Variants in SUGCT observed in about 807,000 individuals in gnomAD.
The protein encoded by SUGCT is succinyl-CoA:glutarate-CoA transferase, also known as succinyl-CoA:glutarate CoA-transferase.
A neutral mutation model predicts 55.0 loss-of-function variants in SUGCT; 41 were observed. The observed-to-expected ratio is 0.74, with a 90% CI of 0.58 to 0.97. The LOEUF is 0.97. SUGCT is among the 50% of genes least tolerant of loss of function. SUGCT has a pLI of 0.00. For synonymous variants in SUGCT, 187 were observed against 200.4 expected, an observed-to-expected ratio of 0.93 and a Z score of 0.56; for missense variants, 568 against 547.8, an observed-to-expected ratio of 1.04 and a Z score of -0.37.
chr7:40,497,353 T>A (rs1792040708), intron 12 of SUGCT, among the ~76,000 whole-genome samples: 1 of 152,174 alleles, frequency 6.6e-6, no homozygotes, highest in African/African-American at 2.4e-5. Context: ...AAAAGAAAAT[T>A]GAAATATTTT....
At chr7:40,136,769 C>A (rs1443409429) in intron 1 of SUGCT, among the ~76,000 whole-genome samples, 2 of 151,970 alleles carry the variant, frequency 1.3e-5, no homozygotes, top group Admixed American at 6.6e-5. Flanking sequence ...CTAGGTGGGA[C>A]GATTGCTTGA....
chr7:40,620,940 A>G (rs570882297), intron 12 of SUGCT, among the ~76,000 whole-genome samples: 29 of 152,276 alleles, frequency 1.9e-4, no homozygotes, highest in African/African-American at 6.5e-4. Context: ...GGTTTAATTC[A>G]GATCTATTTT....
Position 40,218,660 on chromosome 7 carries a change from T to C in SUGCT, c.485-18975T>C, listed in dbSNP as rs1584372576. ...GGTGGGGACCTGAATAACTTTTCTG[T>C]CTAGCTAGAGGATTGTAAACACACC... On this transcript the variant is annotated intron_variant, in intron 6 of 13. Transcript: ENST00000335693. Among the ~76,000 whole-genome samples, 5 of 152,268 alleles carry C rather than the reference T, an allele frequency of 3.3e-5. No individual in the cohort carries two copies. The South Asian group carries it at 1.0e-3, about 32-fold the overall frequency.
intron 12 of SUGCT, among the ~76,000 whole-genome samples, chr7:40,558,723 G>T (rs1012332755): frequency 4.6e-5 from 7 of 152,180 alleles, no homozygotes; most frequent in African/African-American, 1.7e-4. Context: ...AATGTACTTA[G>T]TGCAATTGAA....
At chr7:40,598,055 T>G (rs1459333842) in intron 12 of SUGCT, among the ~76,000 whole-genome samples, 3 of 152,196 alleles carry the variant, frequency 2.0e-5, no homozygotes, top group African/African-American at 7.2e-5. Flanking sequence ...TGTCACATAG[T>G]GTACCCATGG....
chr7:40,722,066 A>C (rs79667895), intron 12 of SUGCT, among the ~76,000 whole-genome samples: 3,055 of 152,088 alleles, frequency 0.02, 99 homozygotes, highest in African/African-American at 0.07. Flanking sequence ...CCATTCTCCC[A>C]GTAATTTTTT....
intron 12 of SUGCT, among the ~76,000 whole-genome samples, chr7:40,670,293 G>C (rs1195126344): frequency 6.6e-6 from 1 of 151,156 alleles, no homozygotes; most frequent in Non-Finnish European, 1.5e-5. Flanking sequence ...GAGAAGGAAG[G>C]TATTAATAAA....
At chr7:40,879,674 C>A in the SUGCT span, among the ~76,000 whole-genome samples, 2 of 152,056 alleles carry the variant, frequency 1.3e-5, no homozygotes, top group Admixed American at 1.3e-4. Context: ...ATTACATTTA[C>A]CTGTTTTATT....
At chr7:40,425,411 C>G (rs1230759816) in intron 9 of SUGCT, among the ~76,000 whole-genome samples, 3 of 152,008 alleles carry the variant, frequency 2.0e-5, no homozygotes, top group Non-Finnish European at 4.4e-5. Context: ...GTCTAACACC[C>G]TAAATTTATA....
chr7:40,296,016 A>G lies in SUGCT; in HGVS notation c.721-20744A>G, dbSNP rs1182317324. ...GAACTCTGCAAAACACACTAATTGA[A>G]AAGTCATGTTAGGCAGCACAAAAGT... On this transcript the variant is annotated intron_variant, in intron 8 of 13. Transcript: ENST00000335693. 2.0e-5 allele frequency among the ~76,000 whole-genome samples: 3 copies of G among 152,206 alleles called. No individual in the cohort carries two copies. The East Asian group carries it at 5.8e-4, about 29-fold the overall frequency.
At chr7:40,196,527 G>T (rs1327722291) in intron 6 of SUGCT, among the ~76,000 whole-genome samples, 2 of 152,172 alleles carry the variant, frequency 1.3e-5, no homozygotes, top group Admixed American at 6.5e-5. Context: ...TGGCAAGGGG[G>T]TGGGGTGAGG....
chr7:40,324,261 A>ATATATATATTTATT lies in SUGCT; in HGVS notation c.816+7409_816+7410insATATATTTATTTAT, dbSNP rs377215730. Among the ~76,000 whole-genome samples the ATATATATATTTATT allele has an allele frequency of 2.5e-3, 251 of 99,936 alleles. 10 individuals carry two copies. The highest frequency in any genetic ancestry group is 0.021 in the East Asian group (62 of 3,008). 65.6% of individuals were successfully genotyped at this position (99,936 alleles called of 152,430 possible). A position where few individuals can be genotyped will look rare whatever the true frequency, so the allele number is the denominator to read the frequency against. Reference sequence around the variant, plus strand: ...AATAAATAAATAAATAAATATATATATATTTATTTTTTGAGACAGAGTCTT... The same window carrying ATATATATATTTATT: ...AATAAATAAATAAATAAATATATATATATATATATTTATTTATTTATTTTTTGAGACAGAGTCTT... On this transcript the variant is annotated intron_variant, in intron 9 of 13. Transcript: ENST00000335693.
chr7:40,147,316 AC>A (rs1386774390), intron 1 of SUGCT, among the ~76,000 whole-genome samples: 1 of 151,716 alleles, frequency 6.6e-6, no homozygotes, highest in Non-Finnish European at 1.5e-5. Flanking sequence ...TTGAGGTTCA[AC>A]CCCCCCATCA....
chr7:40,212,430 CA>C (rs892387892), intron 6 of SUGCT, among the ~76,000 whole-genome samples: 11 of 141,128 alleles, frequency 7.8e-5, no homozygotes, highest in African/African-American at 2.8e-4. Context: ...TCTCAAAAAC[CA>C]AAAAAAAGAT....
At chr7:40,620,387 T>G (rs556109729) in intron 12 of SUGCT, among the ~76,000 whole-genome samples, 13 of 152,264 alleles carry the variant, frequency 8.5e-5, no homozygotes, top group African/African-American at 3.1e-4. Context: ...TCTACCTACA[T>G]CACTCATTTT....
At chr7:40,461,487 C>G (rs754720104) in intron 11 of SUGCT, among the ~76,000 whole-genome samples, 1 of 152,116 alleles carries the variant, frequency 6.6e-6, no homozygotes, top group Non-Finnish European at 1.5e-5. Context: ...TCAGAATTAC[C>G]ACTATTCTGA....
At chr7:40,696,422 A>C (rs1185520993) in intron 12 of SUGCT, among the ~76,000 whole-genome samples, 1 of 152,174 alleles carries the variant, frequency 6.6e-6, no homozygotes, top group Admixed American at 6.5e-5. Flanking sequence ...GTTTGGGGTG[A>C]GTAGACTATG....
intron 11 of SUGCT, among the ~76,000 whole-genome samples, chr7:40,490,116 T>C (rs1791600654): frequency 6.6e-6 from 1 of 152,180 alleles, no homozygotes; most frequent in African/African-American, 2.4e-5. Flanking sequence ...GTACAGAAGC[T>C]GTCTGGAATC....
chr7:40,879,902 C>A, the SUGCT span, among the ~76,000 whole-genome samples: 2 of 152,128 alleles, frequency 1.3e-5, no homozygotes, highest in African/African-American at 4.8e-5. Context: ...CATGGCTTAG[C>A]TTGGACATGG....
Sources: allele counts gnomAD v4.1 joint callset (sites outside exome capture counted in the v4.1 genomes callset), GRCh38; gene constraint gnomAD v4.1.1; transcripts MANE v1.5; gene names NCBI Gene and HGNC (gene_info 2026-07-23, HGNC 2026-07-21).